Variants in CCDC183 observed in about 807,000 individuals in gnomAD.
CCDC183 encodes coiled-coil domain containing 183, also known as coiled-coil domain-containing protein 183.
CCDC183 carries 63 observed loss-of-function variants against 65.2 expected under a neutral mutation model. The observed-to-expected ratio is 0.97, with a 90% confidence interval of 0.79 to 1.19. The LOEUF is 1.19. CCDC183 is among the 50% of genes most tolerant of loss of function. The pLI is 0.00. For synonymous variants in CCDC183, 323 were observed against 276.5 expected, an observed-to-expected ratio of 1.17 and a Z score of -1.67; for missense variants, 769 against 689.3, an observed-to-expected ratio of 1.12 and a Z score of -1.30.
At position 136,804,949 on chromosome 9, in the gene CCDC183, C is replaced by T. The variant is rs1219002025; in HGVS notation, c.847+133C>T. On this transcript the variant is annotated intron_variant, in intron 8 of 13. Transcript: ENST00000338005. The surrounding 1 kb of genome is among the most constrained non-coding windows in gnomAD (Gnocchi z 4.1). Reference sequence around the variant, plus strand: ...CGCCAGGGTGAAGGGAAGGACAGGTCCCTGCCTCTCCCTCCAGAGGCTGAG... The same window carrying T: ...CGCCAGGGTGAAGGGAAGGACAGGTTCCTGCCTCTCCCTCCAGAGGCTGAG... 4 of 722,252 alleles carry T rather than the reference C, an allele frequency of 5.5e-6. No individual in the cohort carries two copies. The highest frequency in any genetic ancestry group is 9.2e-6 in the Non-Finnish European group (4 of 433,954). 44.7% of individuals were successfully genotyped at this position (722,252 alleles called of 1,614,324 possible).
In CCDC183 at chr9:136,806,628, A is replaced by C; in HGVS notation, c.1234A>C (p.Asn412His). 7 of 1,613,766 alleles carry C rather than the reference A, an allele frequency of 4.3e-6. No homozygotes were observed. Among genetic ancestry groups the C allele is most frequent in the Non-Finnish European group, 5.9e-6 (7 of 1,180,042 alleles). The stretch of plus-strand genomic sequence containing the variant: ...GCTGACCATCCAGATGGGCATCGAC[A>C]ACCTCTATGTCCGGCTGATGGGCAT... ...LLLTIQMGIDNLYVRLMGINL... is the reference protein window; with the variant it reads ...LLLTIQMGIDHLYVRLMGINL... Residue 412 changes from asparagine to histidine, a missense_variant, in exon 11 of 14, where the codon AAC becomes CAC. Coordinates refer to ENST00000338005, the MANE Select transcript of CCDC183 (RefSeq NM_001039374.5).
intron 5 of CCDC183, 120 bp from the exon 6 acceptor site, chr9:136,802,544 G>GT: frequency 7.2e-7 from 1 of 1,397,884 alleles, no homozygotes; most frequent in Non-Finnish European, 9.6e-7. Context: ...AGTGGGGGAG[G>GT]TGGCTGGGGC....
In CCDC183 at chr9:136,806,892, G is replaced by C. The variant is rs773498015; in HGVS notation, c.1389+25G>C. 3.1e-6 allele frequency: 5 copies of C among 1,613,264 alleles called. No homozygotes were observed. In the African/African-American group the frequency reaches 6.7e-5, roughly 22 times the overall value. On this transcript the variant is annotated intron_variant, in intron 12 of 13. Transcript: ENST00000338005. ...GGTAGCCCCGGGCTGGGAGGAACCT[G>C]CACAGCCCACGTCCCCTCAAAGCTG...
intron 8 of CCDC183, 31 bp from the exon 9 acceptor site, chr9:136,805,326 T>G (rs1366439725): frequency 6.3e-7 from 1 of 1,579,534 alleles, no homozygotes; most frequent in Non-Finnish European, 8.7e-7. Context: ...CATCCCTGCA[T>G]GCTGACTGCC....
intron 3 of CCDC183, 42 bp from the exon 4 acceptor site, chr9:136,799,960 C>A (rs1847710700): frequency 6.4e-7 from 1 of 1,556,876 alleles, no homozygotes. Context: ...CCATGGCGGC[C>A]CCCTACGCAA....
intron 13 of CCDC183, 23 bp from the exon 14 acceptor site, chr9:136,807,549 C>A: frequency 1.3e-6 from 2 of 1,574,664 alleles, no homozygotes; most frequent in Non-Finnish European, 8.6e-7. Context: ...GCCCCGTGTG[C>A]GAGCCGCCGC....
chr9:136,796,548 G>A, intron 1 of CCDC183, 81 bp downstream of exon 1: 3 of 940,274 alleles, frequency 3.2e-6, no homozygotes, highest in Non-Finnish European at 5.0e-6. Flanking sequence ...GGAAAAGAGA[G>A]ATCAGATTGT....
chr9:136,800,375 T>G lies in CCDC183; in HGVS notation c.439-14T>G. 6.2e-7 allele frequency: 1 copy of G among 1,601,624 alleles called. No individual in the cohort carries two copies. Among genetic ancestry groups the G allele is most frequent in the Non-Finnish European group, 8.5e-7 (1 of 1,173,362 alleles). On this transcript the variant is annotated splice_polypyrimidine_tract_variant and intron_variant, in intron 4 of 13. Transcript: ENST00000338005. The stretch of plus-strand genomic sequence containing the variant: ...GTCCCCACGCCCTCTCACTGCGCCC[T>G]CGGTCCGCCCCAGATCATCCGCCAG...
At position 136,800,110 on chromosome 9, in the gene CCDC183, G is replaced by C. The variant is rs1348142420; in HGVS notation, c.379G>C (p.Glu127Gln). Residue 127 changes from glutamate to glutamine, a missense_variant, in exon 4 of 14, where the codon GAG (glutamate) becomes CAG (glutamine). Coordinates refer to ENST00000338005, the MANE Select transcript of CCDC183 (RefSeq NM_001039374.5). ...RGQKLESMQL[E>Q]LDSLRSQPDA... Reference sequence around the variant, plus strand: ...GCAGAAGCTGGAGAGCATGCAGCTGGAGCTGGACAGCCTGCGGAGCCAGCC... The same window carrying C: ...GCAGAAGCTGGAGAGCATGCAGCTGCAGCTGGACAGCCTGCGGAGCCAGCC... 1 of 1,553,016 alleles carries C rather than the reference G, an allele frequency of 6.4e-7. No individual in the cohort carries two copies. Among genetic ancestry groups the C allele is most frequent in the South Asian group, 1.2e-5 (1 of 84,732 alleles).
In CCDC183 at chr9:136,807,699, C is replaced by A; in HGVS notation, c.*9C>A. ...AGAAAAAGAAGAAGTAGCCCCGCCG[C>A]CCCGCTCCCTGCTTTGCTACACAAA... is the stretch of plus-strand genomic sequence containing the variant. On this transcript the variant is annotated 3_prime_UTR_variant, in exon 14 of 14. Coordinates refer to ENST00000338005, the MANE Select transcript of CCDC183 (RefSeq NM_001039374.5). 1 of 1,592,002 alleles carries A rather than the reference C, an allele frequency of 6.3e-7. No homozygotes were observed.
chr9:136,806,461 G>T (rs368317824), intron 10 of CCDC183, 43 bp from the exon 11 acceptor site: 3 of 1,610,850 alleles, frequency 1.9e-6, no homozygotes, highest in East Asian at 2.2e-5. Context: ...CATGGCTCTC[G>T]GGCCTGTGCC....
At chr9:136,806,279 C>T in intron 10 of CCDC183, 41 bp downstream of exon 10, 1 of 1,557,978 alleles carries the variant, frequency 6.4e-7, no homozygotes, top group East Asian at 2.4e-5. Context: ...CCACCCCAGT[C>T]TCACAAAGGC....
In CCDC183 at chr9:136,804,907, C is replaced by G; in HGVS notation, c.847+91C>G. 8.9e-7 allele frequency: 1 copy of G among 1,127,638 alleles called. No homozygotes were observed. The highest frequency in any genetic ancestry group is 1.3e-6 in the Non-Finnish European group (1 of 756,160). 69.9% of individuals were successfully genotyped at this position (1,127,638 alleles called of 1,614,324 possible). A position where few individuals can be genotyped will look rare whatever the true frequency, so the allele number is the denominator to read the frequency against. ...CCAACGGATCAAGTCACCCTGAGGC[C>G]AGGTGTGACATGTGGTCGCCAGGGT... On this transcript the variant is annotated intron_variant, in intron 8 of 13. Transcript: ENST00000338005. This position sits in a 1 kb window ranked among gnomAD's most constrained non-coding sequence, Gnocchi z 4.1.
chr9:136,801,907 C>T (rs1420843898), intron 5 of CCDC183, among the ~76,000 whole-genome samples: 1 of 152,038 alleles, frequency 6.6e-6, no homozygotes, highest in African/African-American at 2.4e-5. Context: ...CCTGCCTCAG[C>T]CTCCCGAATA....
chr9:136,805,793 T>TAATGG (rs1252140886), intron 9 of CCDC183, among the ~76,000 whole-genome samples: 16 of 152,142 alleles, frequency 1.1e-4, no homozygotes, highest in African/African-American at 3.6e-4. Context: ...TTATCTACCC[T>TAATGG]CTCTGCCTGC....
chr9:136,805,970 G>T, intron 9 of CCDC183, 108 bp from the exon 10 acceptor site: 1 of 864,604 alleles, frequency 1.2e-6, no homozygotes, highest in South Asian at 1.8e-5. Context: ...TGAGCACAGA[G>T]AAAGTGCACT....
chr9:136,804,245 C>T lies in CCDC183; in HGVS notation c.667-257C>T. ...TCCGTGAGTTCTAGGTGGACCTGGC[C>T]AGGAGGCAGCTGGGGGCCAGCGGCT... On this transcript the variant is annotated intron_variant, in intron 6 of 13. Transcript: ENST00000338005. The surrounding 1 kb of genome is among the most constrained non-coding windows in gnomAD (Gnocchi z 4.1). 1 of 485,024 alleles carries T rather than the reference C, an allele frequency of 2.1e-6. No individual in the cohort carries two copies. The highest frequency in any genetic ancestry group is 3.8e-6 in the Non-Finnish European group (1 of 265,742). 30.0% of individuals were successfully genotyped at this position (485,024 alleles called of 1,614,324 possible).
At chr9:136,798,344 C>T (rs2131126878) in intron 1 of CCDC183, among the ~76,000 whole-genome samples, 1 of 148,500 alleles carries the variant, frequency 6.7e-6, no homozygotes, top group Non-Finnish European at 1.5e-5. Context: ...TTCTGTCGTC[C>T]AGGTGGAGTG....
Position 136,807,578 on chromosome 9 carries a change from T to C in CCDC183, c.1493T>C (p.Phe498Ser). The C allele has an allele frequency of 6.2e-7, 1 of 1,603,126 alleles. No individual in the cohort carries two copies. The highest frequency in any genetic ancestry group is 8.5e-7 in the Non-Finnish European group (1 of 1,175,638). ...CCGCCGCCTCCGCCCGCAGACACCT[T>C]CCAGTTCCCCGACATGGACCACAGC... ...ENREEDMIDT[F>S]QFPDMDHSYV... The change falls in exon 14 of 14, where the codon TTC (phenylalanine) becomes TCC (serine). Residue 498 changes from phenylalanine to serine, a missense_variant. Coordinates refer to ENST00000338005, the MANE Select transcript of CCDC183 (RefSeq NM_001039374.5).
Sources: allele counts gnomAD v4.1 joint callset (sites outside exome capture counted in the v4.1 genomes callset), GRCh38; gene constraint gnomAD v4.1.1; non-coding constraint Gnocchi (gnomAD v3.1); transcripts MANE v1.5; gene names NCBI Gene and HGNC (gene_info 2026-07-23, HGNC 2026-07-21).